ZNF804A: variants seen among roughly 807,000 people sequenced by gnomAD.
ZNF804A encodes the protein zinc finger protein 804A.
ZNF804A carries 2 observed loss-of-function variants against 16.5 expected under a neutral mutation model. That is an observed-to-expected ratio of 0.12 (90% CI 0.05 to 0.38). The LOEUF is 0.38. Ranked by LOEUF, ZNF804A falls within the 10% of genes least tolerant of loss-of-function variation. ZNF804A has a pLI of 0.99. For synonymous variants in ZNF804A, 534 were observed against 489.6 expected (o/e 1.09, Z -1.20); for missense variants, 1,473 against 1,390.7 (o/e 1.06, Z -0.94).
chr2:184,730,711 T>C (rs1321039785), intron 1 of ZNF804A, among the ~76,000 whole-genome samples: 1 of 152,204 alleles, frequency 6.6e-6, no homozygotes, highest in Non-Finnish European at 1.5e-5. Flanking sequence ...ATATCTCATT[T>C]CTTTTTAGCA....
intron 2 of ZNF804A, among the ~76,000 whole-genome samples, chr2:184,904,054 A>G (rs757323089): frequency 3.3e-5 from 5 of 152,060 alleles, no homozygotes; most frequent in Non-Finnish European, 5.9e-5. Context: ...TATAAAAATT[A>G]GTTGTGTTTC....
chr2:184,937,516 C>A lies in ZNF804A; in HGVS notation c.2120C>A (p.Thr707Lys), dbSNP rs1366842. 0.57 allele frequency: 918,375 copies of A among 1,607,472 alleles called. 273,663 individuals are homozygous for A. Among genetic ancestry groups the A allele is most frequent in the East Asian group, 0.84 (37,732 of 44,774 alleles). The change falls in exon 4 of 4, where the codon ACA becomes AAA. Residue 707 changes from threonine to lysine, a missense_variant. Transcript: ENST00000302277. ...CTTTTAAATGGACAATCAAATGCAA[C>A]AATGATACATTCTGGGAAACATAAT... Reference protein sequence around the residue: ...TILLNGQSNATMIHSGKHNLT... With the variant: ...TILLNGQSNAKMIHSGKHNLT...
At chr2:184,609,381 G>A (rs1044832651) in intron 1 of ZNF804A, among the ~76,000 whole-genome samples, 1 of 152,182 alleles carries the variant, frequency 6.6e-6, no homozygotes, top group Non-Finnish European at 1.5e-5. Context: ...CTGTTGAAGT[G>A]TTTTGACAGA....
At chr2:184,891,751 A>G (rs1334986031) in intron 2 of ZNF804A, among the ~76,000 whole-genome samples, 1 of 152,186 alleles carries the variant, frequency 6.6e-6, no homozygotes, top group Non-Finnish European at 1.5e-5. Context: ...TTATATACCT[A>G]ACAATCGACA....
At chr2:184,762,669 G>T (rs1381161066) in intron 1 of ZNF804A, among the ~76,000 whole-genome samples, 9 of 151,850 alleles carry the variant, frequency 5.9e-5, no homozygotes, top group Admixed American at 2.6e-4. Flanking sequence ...TGTAAAATTT[G>T]GGGACTATTT....
At chr2:184,890,566 T>C (rs1006913960) in intron 2 of ZNF804A, among the ~76,000 whole-genome samples, 1 of 152,094 alleles carries the variant, frequency 6.6e-6, no homozygotes, top group Admixed American at 6.5e-5. Flanking sequence ...ACCCTGGTTG[T>C]ATAGGAAGAA....
At chr2:184,700,199 A>G (rs1209241103) in intron 1 of ZNF804A, among the ~76,000 whole-genome samples, 1 of 152,138 alleles carries the variant, frequency 6.6e-6, no homozygotes, top group Non-Finnish European at 1.5e-5. Flanking sequence ...AAGTGTTTTC[A>G]AGCATTTTTG....
intron 1 of ZNF804A, among the ~76,000 whole-genome samples, chr2:184,842,445 G>T (rs941011171): frequency 3.3e-5 from 5 of 151,850 alleles, no homozygotes; most frequent in African/African-American, 1.2e-4. Context: ...CACAAAGCTA[G>T]AAGTTTTGAG....
chr2:184,902,855 G>C (rs563925709), intron 2 of ZNF804A, among the ~76,000 whole-genome samples: 1 of 152,052 alleles, frequency 6.6e-6, no homozygotes, highest in Non-Finnish European at 1.5e-5. Flanking sequence ...TTGAACTGTT[G>C]TTTGTGCTAA....
chr2:184,652,195 C>A (rs1254849240), intron 1 of ZNF804A, among the ~76,000 whole-genome samples: 1 of 151,982 alleles, frequency 6.6e-6, no homozygotes, highest in Non-Finnish European at 1.5e-5. Flanking sequence ...TAGAGAAAAC[C>A]AAACACTGTA....
chr2:184,599,140 A>C, intron 1 of ZNF804A, 70 bp downstream of exon 1: 1 of 1,226,530 alleles, frequency 8.2e-7, no homozygotes, highest in Non-Finnish European at 1.2e-6. Context: ...GAGTTTTTGG[A>C]GGTTTTGAGA....
intron 1 of ZNF804A, among the ~76,000 whole-genome samples, chr2:184,810,557 C>G (rs1294520491): frequency 7.7e-6 from 1 of 129,692 alleles, no homozygotes; most frequent in African/African-American, 2.9e-5. Context: ...GTGGAGCGAT[C>G]TCTGCTTACT....
intron 2 of ZNF804A, among the ~76,000 whole-genome samples, chr2:184,873,917 A>G (rs1696013984): frequency 6.6e-6 from 1 of 152,168 alleles, no homozygotes; most frequent in Non-Finnish European, 1.5e-5. Flanking sequence ...AATCTTGTAA[A>G]TTTATATATT....
At chr2:184,617,911 T>A (rs1691352600) in intron 1 of ZNF804A, among the ~76,000 whole-genome samples, 1 of 151,936 alleles carries the variant, frequency 6.6e-6, no homozygotes, top group Admixed American at 6.6e-5. Context: ...TTGATATTAT[T>A]ATAATTGCCA....
chr2:184,719,545 T>C (rs1309787180), intron 1 of ZNF804A, among the ~76,000 whole-genome samples: 5 of 152,166 alleles, frequency 3.3e-5, no homozygotes, highest in Admixed American at 6.5e-5. Context: ...AACAAGCAAG[T>C]CACCTTTTGA....
At chr2:184,617,803 T>G (rs1443581841) in intron 1 of ZNF804A, among the ~76,000 whole-genome samples, 1 of 151,650 alleles carries the variant, frequency 6.6e-6, no homozygotes, top group Non-Finnish European at 1.5e-5. Flanking sequence ...ATCAACAAAC[T>G]TTAAATTAAT....
At chr2:184,843,886 T>A (rs1252556999) in intron 1 of ZNF804A, among the ~76,000 whole-genome samples, 1 of 152,190 alleles carries the variant, frequency 6.6e-6, no homozygotes, top group African/African-American at 2.4e-5. Flanking sequence ...AAGTGATTAT[T>A]GGTATAGTTG....
intron 1 of ZNF804A, among the ~76,000 whole-genome samples, chr2:184,674,435 A>G (rs1006729959): frequency 6.6e-6 from 1 of 151,988 alleles, no homozygotes; most frequent in Non-Finnish European, 1.5e-5. Context: ...AATCACAAAT[A>G]AAAAAGAGAA....
At chr2:184,894,842 C>CG (rs1422522485) in intron 2 of ZNF804A, among the ~76,000 whole-genome samples, 5 of 151,940 alleles carry the variant, frequency 3.3e-5, no homozygotes, top group African/African-American at 1.2e-4. Context: ...CCCGACACCG[C>CG]GCCCAGCTAA....
Sources: allele counts gnomAD v4.1 joint callset (sites outside exome capture counted in the v4.1 genomes callset), GRCh38; gene constraint gnomAD v4.1.1; transcripts MANE v1.5; gene names NCBI Gene and HGNC (gene_info 2026-07-23, HGNC 2026-07-21).